Variants in ST8SIA5 observed in about 807,000 individuals in gnomAD.
ST8SIA5 encodes the protein alpha-2,8-sialyltransferase 8E.
ST8SIA5 carries 24 observed loss-of-function variants against 40.2 expected under a neutral mutation model. That is an observed-to-expected ratio of 0.60 (90% CI 0.43 to 0.84). ST8SIA5 has a LOEUF of 0.84. Among genes scored for constraint, ST8SIA5 ranks in the 40% least tolerant of loss-of-function variants. The pLI is 0.00. For synonymous variants in ST8SIA5, 198 were observed against 201.8 expected (o/e 0.98, Z 0.16); for missense variants, 465 against 498.5 (o/e 0.93, Z 0.64).
At chr18:46,721,371 G>A in intron 1 of ST8SIA5, 2 of 1,536,100 alleles carry the variant, frequency 1.3e-6, no homozygotes, top group Non-Finnish European at 1.7e-6. Flanking sequence ...CCTGGAGCTG[G>A]AGTCACTGCC....
intron 1 of ST8SIA5, among the ~76,000 whole-genome samples, chr18:46,742,708 G>A (rs565142058): frequency 6.6e-6 from 1 of 152,370 alleles, no homozygotes; most frequent in East Asian, 1.9e-4. Flanking sequence ...GAAGAGAGCA[G>A]TGGTTCTCCC....
chr18:46,700,886 C>A (rs1352967373), intron 2 of ST8SIA5, among the ~76,000 whole-genome samples: 2 of 152,164 alleles, frequency 1.3e-5, no homozygotes, highest in African/African-American at 4.8e-5. Flanking sequence ...ATGTTCCTCT[C>A]TAAAGAGAGT....
chr18:46,705,389 A>G (rs747798693), intron 1 of ST8SIA5, among the ~76,000 whole-genome samples: 2 of 152,236 alleles, frequency 1.3e-5, no homozygotes, highest in Non-Finnish European at 2.9e-5. Flanking sequence ...CCCTTACCAT[A>G]GGCTAAGCAC....
intron 1 of ST8SIA5, among the ~76,000 whole-genome samples, chr18:46,725,021 A>G (rs2039901391): frequency 6.7e-6 from 1 of 149,492 alleles, no homozygotes; most frequent in African/African-American, 2.5e-5. Context: ...GGAAGGAAGG[A>G]AGGAAGGAAG....
intron 1 of ST8SIA5, among the ~76,000 whole-genome samples, chr18:46,745,426 A>G (rs1326195236): frequency 6.6e-6 from 1 of 152,236 alleles, no homozygotes; most frequent in Non-Finnish European, 1.5e-5. Context: ...TCATCAGAGA[A>G]TACTATAAAC....
At chr18:46,711,231 G>A (rs769908873) in intron 1 of ST8SIA5, among the ~76,000 whole-genome samples, 7 of 152,168 alleles carry the variant, frequency 4.6e-5, no homozygotes, top group Non-Finnish European at 8.8e-5. Context: ...CTGCCTGGCT[G>A]AGTATCTTTG....
In ST8SIA5 at chr18:46,739,961, T is replaced by C. The variant is rs141821609; in HGVS notation, c.131+16417A>G. Among the ~76,000 whole-genome samples, 360 of 152,270 alleles carry C rather than the reference T, an allele frequency of 2.4e-3. 1 individual carries two copies. Among genetic ancestry groups the C allele is most frequent in the African/African-American group, 8.1e-3 (335 of 41,558 alleles). On this transcript the variant is annotated intron_variant, in intron 1 of 6. Transcript: ENST00000315087. Reference sequence around the variant, plus strand: ...CTGCCTATGGGGTCCACTGAGGCTTTCTCTGGAACTGTATTGCAGCTCAAT... The same window carrying C: ...CTGCCTATGGGGTCCACTGAGGCTTCCTCTGGAACTGTATTGCAGCTCAAT...
At chr18:46,694,482 C>T (rs1481198593) in intron 2 of ST8SIA5, among the ~76,000 whole-genome samples, 1 of 152,182 alleles carries the variant, frequency 6.6e-6, no homozygotes, top group Non-Finnish European at 1.5e-5. Flanking sequence ...TGATTTCTCT[C>T]TCTTGATCAT....
At chr18:46,706,411 G>A (rs1228345202) in intron 1 of ST8SIA5, among the ~76,000 whole-genome samples, 1 of 150,566 alleles carries the variant, frequency 6.6e-6, no homozygotes, top group African/African-American at 2.4e-5. Context: ...AGCCTCCTCT[G>A]ACCCTGACCC....
chr18:46,756,112 G>T (rs1194939216), intron 1 of ST8SIA5, among the ~76,000 whole-genome samples: 13 of 152,256 alleles, frequency 8.5e-5, no homozygotes, highest in Non-Finnish European at 1.9e-4. Flanking sequence ...TTTATCGTCA[G>T]CCTGGTTGCT....
Position 46,682,206 on chromosome 18 carries a change from G to A in ST8SIA5, c.570-142C>T, listed in dbSNP as rs916208196. ...AGCTAGGCAGGTTCTCTGTAGCCAG[G>A]TGATAAGACAGTGGTCCTTCTGCTC... On this transcript the variant is annotated intron_variant, in intron 5 of 6. Coordinates refer to ENST00000315087, the MANE Select transcript of ST8SIA5 (RefSeq NM_013305.6). The A allele has an allele frequency of 8.1e-6, 5 of 620,014 alleles. No homozygotes were observed. The East Asian group carries it at 8.7e-5, about 11-fold the overall frequency. 38.4% of individuals were successfully genotyped at this position (620,014 alleles called of 1,614,324 possible).
intron 2 of ST8SIA5, 29 bp downstream of exon 2, chr18:46,704,543 C>A (rs940274345): frequency 3.1e-6 from 5 of 1,607,282 alleles, no homozygotes; most frequent in Non-Finnish European, 4.3e-6. Flanking sequence ...CACATGCTCC[C>A]TGCACCCACC....
chr18:46,698,321 C>T (rs2039577595), intron 2 of ST8SIA5, among the ~76,000 whole-genome samples: 2 of 148,992 alleles, frequency 1.3e-5, no homozygotes, highest in South Asian at 4.3e-4. Flanking sequence ...TCAAAACAAT[C>T]CAACAACCCA....
chr18:46,748,899 G>A (rs2040169064), intron 1 of ST8SIA5, among the ~76,000 whole-genome samples: 1 of 152,078 alleles, frequency 6.6e-6, no homozygotes, highest in African/African-American at 2.4e-5. Context: ...ATAAACCCAA[G>A]AGAAATGAAA....
At chr18:46,688,705 A>T in intron 4 of ST8SIA5, 70 bp downstream of exon 4, 1 of 1,545,766 alleles carries the variant, frequency 6.5e-7, no homozygotes, top group Non-Finnish European at 8.7e-7. Flanking sequence ...CCCCAGGGAC[A>T]TTGCCACGGA....
intron 1 of ST8SIA5, among the ~76,000 whole-genome samples, chr18:46,751,489 C>T (rs1003416712): frequency 6.6e-6 from 1 of 152,026 alleles, no homozygotes; most frequent in Non-Finnish European, 1.5e-5. Context: ...CTCCACCTCC[C>T]AGTTTCAAGC....
chr18:46,722,706 A>G (rs1315974109), intron 1 of ST8SIA5, among the ~76,000 whole-genome samples: 1 of 152,208 alleles, frequency 6.6e-6, no homozygotes, highest in Non-Finnish European at 1.5e-5. Flanking sequence ...TGCCAGCAGC[A>G]TTGTACCCTG....
intron 2 of ST8SIA5, among the ~76,000 whole-genome samples, chr18:46,699,736 C>G (rs552330498): frequency 3.0e-4 from 46 of 152,342 alleles, no homozygotes; most frequent in African/African-American, 1.0e-3. Context: ...CCCACTCCCT[C>G]TGTCCACTTA....
chr18:46,684,849 G>A (rs1418334446), intron 5 of ST8SIA5, among the ~76,000 whole-genome samples: 1 of 152,200 alleles, frequency 6.6e-6, no homozygotes, highest in Admixed American at 6.5e-5. Flanking sequence ...GGTTCCGTGG[G>A]AGCCCAGAAA....
Sources: gnomAD v4.1 joint callset for allele counts (sites outside exome capture counted in the v4.1 genomes callset) on GRCh38, gnomAD v4.1.1 for gene constraint, MANE v1.5 for transcripts, NCBI Gene and HGNC (gene_info 2026-07-23, HGNC 2026-07-21) for gene names.